The following DNAJA3 variants were observed in gnomAD, a reference collection of about 807,000 sequenced individuals.
DNAJA3 encodes the protein dnaJ homolog subfamily A member 3, mitochondrial.
A neutral mutation model predicts 54.9 loss-of-function variants in DNAJA3; 29 were observed. The observed-to-expected ratio is 0.53, with a 90% CI of 0.39 to 0.72. The LOEUF (loss-of-function observed/expected upper bound fraction) is 0.72, where lower values mean the gene tolerates loss of function less well. Ranked by LOEUF, DNAJA3 falls within the 30% of genes least tolerant of loss-of-function variation. DNAJA3 has a pLI of 0.00. For synonymous variants in DNAJA3, 302 were observed against 251.4 expected, an observed-to-expected ratio of 1.20 and a Z score of -1.90; for missense variants, 708 against 639.4, an observed-to-expected ratio of 1.11 and a Z score of -1.16.
chr16:4,448,371 C>T (rs1014278311), intron 8 of DNAJA3, among the ~76,000 whole-genome samples: 1 of 151,744 alleles, frequency 6.6e-6, no homozygotes, highest in Non-Finnish European at 1.5e-5. Flanking sequence ...GAGACAGAGT[C>T]TTGCTCTGTC....
At chr16:4,430,393 C>T (rs2056682153) in intron 1 of DNAJA3, 1 of 150,816 alleles carries the variant, frequency 6.6e-6, no homozygotes, top group Non-Finnish European at 1.5e-5. Context: ...CAAAGCTTGT[C>T]TCTACTAAAA....
At chr16:4,454,739 T>C (rs942969462) in intron 10 of DNAJA3, 72 bp from the exon 11 acceptor site, 1 of 1,181,544 alleles carries the variant, frequency 8.5e-7, no homozygotes. Flanking sequence ...CAGGCGGGGG[T>C]AGGTGGGCCC....
intron 8 of DNAJA3, chr16:4,448,019 A>C (rs1161520001): frequency 1.2e-5 from 1 of 85,486 alleles, no homozygotes; most frequent in Non-Finnish European, 2.4e-5. Flanking sequence ...GCCCAGTGGC[A>C]GTTCTTTTTT....
chr16:4,441,655 C>T, intron 4 of DNAJA3, 80 bp downstream of exon 4: 2 of 1,434,560 alleles, frequency 1.4e-6, no homozygotes, highest in Non-Finnish European at 1.9e-6. Flanking sequence ...GTTTCTGTTT[C>T]TCAGAAAGGC....
At chr16:4,434,343 G>A (rs56013799) in intron 1 of DNAJA3, 41 bp from the exon 2 acceptor site, 1 of 1,602,672 alleles carries the variant, frequency 6.2e-7, no homozygotes, top group Non-Finnish European at 8.5e-7. Context: ...CTTTTGTTGA[G>A]AACATTCCCA....
chr16:4,455,369 C>T (rs913314804), intron 11 of DNAJA3, 177 bp from the exon 12 acceptor site: 18 of 682,104 alleles, frequency 2.6e-5, no homozygotes, highest in Non-Finnish European at 3.8e-5. Context: ...CCAGGGGTAG[C>T]GCTTGCTCGC....
At position 4,450,567 on chromosome 16, in the gene DNAJA3, G is replaced by A. The variant is rs543879582; in HGVS notation, c.1339+70G>A. On this transcript the variant is annotated intron_variant, in intron 10 of 11. Coordinates refer to ENST00000262375, the MANE Select transcript of DNAJA3 (RefSeq NM_005147.6). Reference sequence around the variant, plus strand: ...GCCCCCCAGGGTATGGACAATTCAGGGCAGCATGTTGGGGTTTCCACTTCG... The same window carrying A: ...GCCCCCCAGGGTATGGACAATTCAGAGCAGCATGTTGGGGTTTCCACTTCG... The A allele has an allele frequency of 1.2e-3, 1,537 of 1,233,102 alleles. 2 individuals carry two copies. The highest frequency in any genetic ancestry group is 1.6e-3 in the Non-Finnish European group (1,444 of 881,252). The allele number at this position is 1,233,102 out of a possible 1,614,324, so 76.4% of individuals were successfully genotyped here.
chr16:4,435,741 G>C (rs990302999), intron 2 of DNAJA3, among the ~76,000 whole-genome samples: 2 of 152,114 alleles, frequency 1.3e-5, no homozygotes, highest in Non-Finnish European at 2.9e-5. Flanking sequence ...ATGGACATTT[G>C]GATATTTTCC....
intron 2 of DNAJA3, among the ~76,000 whole-genome samples, chr16:4,436,051 A>G (rs1404528650): frequency 1.3e-5 from 2 of 152,024 alleles, no homozygotes; most frequent in African/African-American, 4.8e-5. Flanking sequence ...TAGAGTTTCG[A>G]TTTGCTTTTT....
intron 10 of DNAJA3, among the ~76,000 whole-genome samples, chr16:4,454,114 T>A (rs1426045011): frequency 6.6e-6 from 1 of 152,190 alleles, no homozygotes; most frequent in African/African-American, 2.4e-5. Context: ...TGGGGACAAC[T>A]TGCTCAGGGA....
intron 2 of DNAJA3, among the ~76,000 whole-genome samples, chr16:4,436,130 G>T (rs909168561): frequency 4.6e-5 from 7 of 152,140 alleles, no homozygotes; most frequent in African/African-American, 1.7e-4. Context: ...TTGGAGAAAC[G>T]TGTGTTTGGA....
chr16:4,434,750 T>C (rs1235723690), intron 2 of DNAJA3, among the ~76,000 whole-genome samples: 2 of 152,220 alleles, frequency 1.3e-5, no homozygotes, highest in Non-Finnish European at 2.9e-5. Flanking sequence ...TAAGAAGTTT[T>C]TTTTTCTAGA....
intron 3 of DNAJA3, among the ~76,000 whole-genome samples, chr16:4,438,144 G>A (rs937940922): frequency 2.6e-5 from 4 of 151,842 alleles, no homozygotes; most frequent in African/African-American, 9.7e-5. Context: ...GTGAAACCCC[G>A]TCTCTACTAA....
intron 2 of DNAJA3, among the ~76,000 whole-genome samples, chr16:4,436,723 A>G (rs1276489843): frequency 6.6e-6 from 1 of 152,064 alleles, no homozygotes; most frequent in African/African-American, 2.4e-5. Context: ...TTTAGTAGAG[A>G]TGGGGTTTCG....
chr16:4,426,476 G>GCAAGATGC (rs1271560190), intron 1 of DNAJA3, among the ~76,000 whole-genome samples: 1 of 152,172 alleles, frequency 6.6e-6, no homozygotes, highest in African/African-American at 2.4e-5. Flanking sequence ...CAACAACCCT[G>GCAAGATGC]CAAGATGCCT....
At chr16:4,430,183 C>T (rs1018922388) in intron 1 of DNAJA3, among the ~76,000 whole-genome samples, 2 of 151,766 alleles carry the variant, frequency 1.3e-5, no homozygotes, top group South Asian at 4.2e-4. Flanking sequence ...AACTCAGCGT[C>T]CAAACACTAG....
chr16:4,432,879 C>T (rs904687620), intron 1 of DNAJA3, among the ~76,000 whole-genome samples: 4 of 152,096 alleles, frequency 2.6e-5, no homozygotes, highest in African/African-American at 9.6e-5. Flanking sequence ...CGGTGGCTCA[C>T]GCCGGTAATC....
chr16:4,449,210 G>A (rs926022078), intron 9 of DNAJA3, among the ~76,000 whole-genome samples: 7 of 151,424 alleles, frequency 4.6e-5, no homozygotes, highest in Admixed American at 1.3e-4. Flanking sequence ...GTTAGCCAGA[G>A]TGGCCTCAAT....
intron 1 of DNAJA3, 25 bp downstream of exon 1, chr16:4,426,117 G>A: frequency 3.3e-6 from 5 of 1,536,788 alleles, no homozygotes; most frequent in African/African-American, 1.4e-5. Flanking sequence ...CAACTTCCGA[G>A]TGGCGGTTTC....
Sources: allele counts gnomAD v4.1 joint callset (sites outside exome capture counted in the v4.1 genomes callset), GRCh38; gene constraint gnomAD v4.1.1; transcripts MANE v1.5; gene names NCBI Gene and HGNC (gene_info 2026-07-23, HGNC 2026-07-21).